PRR12: variants seen among roughly 807,000 people sequenced by gnomAD.
PRR12 encodes the protein proline rich 12, also known as proline-rich protein 12.
PRR12 carries 12 observed loss-of-function variants against 138.0 expected under a neutral mutation model. The ratio of observed to expected loss-of-function variants is 0.09; its 90% CI spans 0.06 to 0.14. The LOEUF is 0.14. Among genes scored for constraint, PRR12 ranks in the 10% least tolerant of loss-of-function variants. PRR12 has a pLI of 1.00. For synonymous variants in PRR12, 1,567 were observed against 1,291.7 expected, an observed-to-expected ratio of 1.21 and a Z score of -4.57; for missense variants, 2,692 against 2,861.3, an observed-to-expected ratio of 0.94 and a Z score of 1.35.
chr19:49,612,092 G>A (rs575165954), intron 6 of PRR12, among the ~76,000 whole-genome samples: 8 of 151,912 alleles, frequency 5.3e-5, no homozygotes, highest in East Asian at 1.9e-4. Flanking sequence ...TTAGCTGAGC[G>A]TGGTGGCATG....
chr19:49,603,433 G>A (rs1190006039), intron 6 of PRR12, among the ~76,000 whole-genome samples: 2 of 152,248 alleles, frequency 1.3e-5, no homozygotes, highest in African/African-American at 4.8e-5. Context: ...GTTCACGCCT[G>A]TAATCCCAGC....
chr19:49,614,378 C>G lies in PRR12; in HGVS notation c.4774-155C>G, dbSNP rs538649566. The stretch of plus-strand genomic sequence containing the variant: ...GGTCAAGTTCAAGCTGTACACAGAG[C>G]TGAACACATCATGGGGGTAGAAGAT... On this transcript the variant is annotated intron_variant, in intron 6 of 13. Coordinates refer to ENST00000418929, the MANE Select transcript of PRR12 (RefSeq NM_020719.3). This position sits in a 1 kb window ranked among gnomAD's most constrained non-coding sequence, Gnocchi z 5.0. Among the ~76,000 whole-genome samples the G allele has an allele frequency of 1.2e-4, 19 of 152,184 alleles. No individual in the cohort carries two copies. Among genetic ancestry groups the G allele is most frequent in the South Asian group, 2.1e-4 (1 of 4,832 alleles).
rs995510985 is a variant in PRR12, at chr19:49,597,777, G to C, written c.3442G>C (p.Gly1148Arg). The change falls in exon 4 of 14, where the codon GGA (glycine) becomes CGA (arginine). Residue 1148 changes from glycine to arginine, a missense_variant. By Grantham distance (125) the Gly-to-Arg change is moderately radical. Coordinates refer to ENST00000418929, the MANE Select transcript of PRR12 (RefSeq NM_020719.3). This position sits in a 1 kb window ranked among gnomAD's most constrained non-coding sequence, Gnocchi z 6.3. Reference protein sequence around the residue: ...GDIDFCPPNPGPDGPRRRGRK... With the variant: ...GDIDFCPPNPRPDGPRRRGRK... Reference sequence around the variant, plus strand: ...CATCGACTTCTGCCCACCCAACCCAGGACCCGATGGCCCCCGGCGCCGTGG... The same window carrying C: ...CATCGACTTCTGCCCACCCAACCCACGACCCGATGGCCCCCGGCGCCGTGG... 1.9e-6 allele frequency: 3 copies of C among 1,596,520 alleles called. No homozygotes were observed. The highest frequency in any genetic ancestry group is 2.6e-6 in the Non-Finnish European group (3 of 1,172,096).
Position 49,597,272 on chromosome 19 carries a change from G to A in PRR12, c.2937G>A (p.Gly979=), listed in dbSNP as rs1418011076. 1.3e-6 allele frequency: 2 copies of A among 1,567,738 alleles called. No individual in the cohort carries two copies. Among genetic ancestry groups the A allele is most frequent in the East Asian group, 2.3e-5 (1 of 42,620 alleles). The change falls in exon 4 of 14, where the codon GGG becomes GGA. Residue 979 remains glycine, a synonymous_variant. Coordinates refer to ENST00000418929, the MANE Select transcript of PRR12 (RefSeq NM_020719.3). The surrounding 1 kb of genome is among the most constrained non-coding windows in gnomAD (Gnocchi z 6.3). ...AGGGGGACCCCAAGGCTGGCGCTGG[G>A]CCACCCCCCGGCCCCCCTGCTTATG... ...EDEGDPKAGA[G]PPPGPPAYDP...
At position 49,597,782 on chromosome 19, in the gene PRR12, C is replaced by T. The variant is rs750893091; in HGVS notation, c.3447C>T (p.Pro1149=). ...ACTTCTGCCCACCCAACCCAGGACC[C>T]GATGGCCCCCGGCGCCGTGGCCGCA... The part of the protein sequence containing the change: ...DIDFCPPNPG[P]DGPRRRGRKP... The change falls in exon 4 of 14, where the codon CCC becomes CCT. Residue 1149 remains proline (P), a synonymous_variant. Coordinates refer to ENST00000418929, the MANE Select transcript of PRR12 (RefSeq NM_020719.3). This position sits in a 1 kb window ranked among gnomAD's most constrained non-coding sequence, Gnocchi z 6.3. The T allele has an allele frequency of 1.9e-6, 3 of 1,590,242 alleles. No individual in the cohort carries two copies. The highest frequency in any genetic ancestry group is 2.3e-5 in the East Asian group (1 of 44,112).
Position 49,591,638 on chromosome 19 carries a change from T to TCCAC in PRR12, c.-15_-12dup. The TCCAC allele has an allele frequency of 1.6e-6, 1 of 634,376 alleles. No individual in the cohort carries two copies. The allele number at this position is 634,376 out of a possible 1,614,324, so 39.3% of individuals were successfully genotyped here. A position where few individuals can be genotyped will look rare whatever the true frequency, so the allele number is the denominator to read the frequency against. ...TCCCTCCCTCCCCCTCCCCCCAATT[T>TCCAC]CCACCGCGGCCAATTCATGGACAGG... is the stretch of plus-strand genomic sequence containing the variant. On this transcript the variant is annotated 5_prime_UTR_variant, in exon 1 of 14. Coordinates refer to ENST00000418929, the MANE Select transcript of PRR12 (RefSeq NM_020719.3).
In PRR12 at chr19:49,601,867, C is replaced by T. The variant is rs775218037; in HGVS notation, c.4722C>T (p.Phe1574=). The T allele has an allele frequency of 1.2e-6, 2 of 1,612,580 alleles. No individual in the cohort carries two copies. The highest frequency in any genetic ancestry group is 1.1e-5 in the South Asian group (1 of 91,012). Reference sequence around the variant, plus strand: ...GCGAGAGTGGCGGAGAGGGCATCTTCCGGGAACGGGACGAGTTCGTCATCC... The same window carrying T: ...GCGAGAGTGGCGGAGAGGGCATCTTTCGGGAACGGGACGAGTTCGTCATCC... The part of the protein sequence containing the change: ...EAGESGGEGI[F]RERDEFVIRA... Residue 1574 remains phenylalanine (F), a synonymous_variant, in exon 6 of 14, where the codon TTC becomes TTT. Coordinates refer to ENST00000418929, the MANE Select transcript of PRR12 (RefSeq NM_020719.3).
Position 49,612,027 on chromosome 19 carries a change from TC to T in PRR12, c.4774-2505del, listed in dbSNP as rs567583008. ...GCGGGCGGATCATGAGGTCAAGAGA[TC>T]GAGACCATCCTGGCCAACATGGTGA... On this transcript the variant is annotated intron_variant, in intron 6 of 13. Coordinates refer to ENST00000418929, the MANE Select transcript of PRR12 (RefSeq NM_020719.3). 2.3e-3 allele frequency among the ~76,000 whole-genome samples: 344 copies of T among 149,862 alleles called. 2 individuals carry two copies. The highest frequency in any genetic ancestry group is 7.8e-3 in the African/African-American group (316 of 40,560).
At chr19:49,593,240 TC>T (rs1351899893) in intron 1 of PRR12, 86 bp from the exon 2 acceptor site, 17 of 376,560 alleles carry the variant, frequency 4.5e-5, no homozygotes, top group Non-Finnish European at 6.4e-5. Context: ...GCTGGAAGGG[TC>T]CCCCCAACTC....
In PRR12 at chr19:49,596,009, G is replaced by C; in HGVS notation, c.1674G>C (p.Glu558Asp). ...WGPSSLGGGG[E>D]ASPSHIIRPL... ...CCAGCTCCCTGGGAGGCGGCGGTGAGGCCAGCCCATCTCACATCATTCGTC... is the reference window on the plus strand; with the variant it reads ...CCAGCTCCCTGGGAGGCGGCGGTGACGCCAGCCCATCTCACATCATTCGTC... The change falls in exon 4 of 14, where the codon GAG becomes GAC. Residue 558 changes from glutamate (E) to aspartate (D), a missense_variant. Physicochemically the swap from Glu to Asp is conservative, Grantham distance 45. This residue lies in a region of PRR12 where 66 missense variants were observed against 102.4 expected (regional missense o/e 0.64). Transcript: ENST00000418929. The surrounding 1 kb of genome is among the most constrained non-coding windows in gnomAD (Gnocchi z 5.6). 1 of 1,601,140 alleles carries C rather than the reference G, an allele frequency of 6.2e-7. No homozygotes were observed. Among genetic ancestry groups the C allele is most frequent in the Non-Finnish European group, 8.5e-7 (1 of 1,179,696 alleles).
rs765575058 is a variant in PRR12 at position 49,599,656 on chromosome 19, C to T, written c.4063C>T (p.Leu1355=). Residue 1355 remains leucine, a synonymous_variant, in exon 5 of 14, where the codon CTG becomes TTG. Transcript: ENST00000418929. The surrounding 1 kb of genome is among the most constrained non-coding windows in gnomAD (Gnocchi z 5.0). ...CCTGGAGGCTGCAGAGAGTGAGGGT[C>T]TGGGGCTTGGCTGCCCTTCACCCTG... ...GALEAAESEG[L]GLGCPSPCKR... 6.8e-6 allele frequency: 11 copies of T among 1,612,076 alleles called. No homozygotes were observed. The highest frequency in any genetic ancestry group is 2.2e-5 in the East Asian group (1 of 44,840).
chr19:49,613,206 G>C (rs1273780109), intron 6 of PRR12, among the ~76,000 whole-genome samples: 1 of 151,442 alleles, frequency 6.6e-6, no homozygotes, highest in Non-Finnish European at 1.5e-5. Context: ...GGTATCGTAG[G>C]TGCCTATAAT....
chr19:49,601,427 G>A lies in PRR12; in HGVS notation c.4346-64G>A, dbSNP rs529475538. 3 of 914,518 alleles carry A rather than the reference G, an allele frequency of 3.3e-6. No individual in the cohort carries two copies. The South Asian group carries it at 5.0e-5, about 15-fold the overall frequency. The allele number at this position is 914,518 out of a possible 1,614,324, so 56.7% of individuals were successfully genotyped here. A position where few individuals can be genotyped will look rare whatever the true frequency, so the allele number is the denominator to read the frequency against. On this transcript the variant is annotated intron_variant, in intron 5 of 13. Transcript: ENST00000418929. ...TTGGTATAGAAAGCAGTGTTTAAAG[G>A]ACAAGAGGAAAGGTGCCAGGAATGA...
intron 6 of PRR12, among the ~76,000 whole-genome samples, chr19:49,608,818 T>C (rs2080851128): frequency 6.6e-6 from 1 of 151,168 alleles, no homozygotes; most frequent in African/African-American, 2.4e-5. Flanking sequence ...CCAGCCTGGG[T>C]GACAGTGAAT....
intron 6 of PRR12, among the ~76,000 whole-genome samples, chr19:49,610,745 A>G (rs756810344): frequency 6.2e-4 from 94 of 151,656 alleles, no homozygotes; most frequent in Admixed American, 3.9e-4. Flanking sequence ...GGGTTTCACC[A>G]TGTTAGCCAG....
At chr19:49,617,241 A>G (rs554048939) in intron 9 of PRR12, among the ~76,000 whole-genome samples, 88 of 152,252 alleles carry the variant, frequency 5.8e-4, no homozygotes, top group South Asian at 8.3e-4. Context: ...AGTGTTTACT[A>G]TGTACCAGAA....
At chr19:49,610,867 C>T (rs1458260730) in intron 6 of PRR12, among the ~76,000 whole-genome samples, 14 of 148,096 alleles carry the variant, frequency 9.5e-5, no homozygotes, top group African/African-American at 2.3e-4. Flanking sequence ...TTTTTTGAGA[C>T]GGAGTTTCAC....
chr19:49,603,900 A>C (rs1213735574), intron 6 of PRR12, among the ~76,000 whole-genome samples: 1 of 151,812 alleles, frequency 6.6e-6, no homozygotes, highest in East Asian at 1.9e-4. Context: ...GGCTTACTGC[A>C]ACCTCTGCTG....
rs751247784 is a variant in PRR12, at chr19:49,625,799, C to G, written c.*192C>G. On this transcript the variant is annotated 3_prime_UTR_variant, in exon 14 of 14. Coordinates refer to ENST00000418929, the MANE Select transcript of PRR12 (RefSeq NM_020719.3). The surrounding 1 kb of genome is among the most constrained non-coding windows in gnomAD (Gnocchi z 5.5). ...CCCCTCTCCCAAGCCCCCTCCACTCCCTCCCCATTCCTCCCACTGTTCGGT... is the reference window on the plus strand; with the variant it reads ...CCCCTCTCCCAAGCCCCCTCCACTCGCTCCCCATTCCTCCCACTGTTCGGT... 3.8e-6 allele frequency: 2 copies of G among 533,108 alleles called. No homozygotes were observed. The highest frequency in any genetic ancestry group is 6.3e-6 in the Non-Finnish European group (2 of 315,298). The allele number at this position is 533,108 out of a possible 1,614,324, so 33.0% of individuals were successfully genotyped here.
Sources: gnomAD v4.1 joint callset for allele counts (sites outside exome capture counted in the v4.1 genomes callset) on GRCh38, gnomAD v4.1.1 for gene constraint, gnomAD v4.1.1 regional missense constraint, Gnocchi (gnomAD v3.1) non-coding constraint, MANE v1.5 for transcripts, NCBI Gene and HGNC (gene_info 2026-07-23, HGNC 2026-07-21) for gene names.